EPHA2: variants seen among roughly 807,000 people sequenced by gnomAD.
EPHA2 encodes ephrin type-A receptor 2.
A neutral mutation model predicts 104.9 loss-of-function variants in EPHA2; 54 were observed. The ratio of observed to expected loss-of-function variants is 0.51; its 90% CI spans 0.41 to 0.65. EPHA2 has a LOEUF of 0.65. Among genes scored for constraint, EPHA2 ranks in the 30% least tolerant of loss-of-function variants. The pLI is 0.00. For synonymous variants in EPHA2, 560 were observed against 559.1 expected, an observed-to-expected ratio of 1.00 and a Z score of -0.02; for missense variants, 1,117 against 1,369.5, an observed-to-expected ratio of 0.82 and a Z score of 2.91.
Position 16,124,875 on chromosome 1 carries a change from T to C in EPHA2, c.*340A>G, listed in dbSNP as rs916562102. 1 of 305,584 alleles carries C rather than the reference T, an allele frequency of 3.3e-6. No homozygotes were observed. Among genetic ancestry groups the C allele is most frequent in the African/African-American group, 2.1e-5 (1 of 47,046 alleles). The allele number at this position is 305,584 out of a possible 1,614,324, so 18.9% of individuals were successfully genotyped here. On this transcript the variant is annotated 3_prime_UTR_variant, in exon 17 of 17. Transcript: ENST00000358432. ...AAGCCCTCCATCTCCTGAGATGGCC[T>C]CATGTGGGAGAAGGCGGAGGGAAGG...
rs938783223 is a variant in EPHA2, at chr1:16,134,876, C to G, written c.1582+160G>C. ...ACCCCTCAGCCTTCCATGCTTCCCC[C>G]TCCCCAGGCTTGGGGGCAGTCCCCG... On this transcript the variant is annotated intron_variant, in intron 7 of 16. Transcript: ENST00000358432. The surrounding 1 kb of genome is among the most constrained non-coding windows in gnomAD (Gnocchi z 4.5). Among the ~76,000 whole-genome samples, 1 of 152,234 alleles carries G rather than the reference C, an allele frequency of 6.6e-6. No homozygotes were observed. Among genetic ancestry groups the G allele is most frequent in the African/African-American group, 2.4e-5 (1 of 41,470 alleles).
chr1:16,130,131 T>A lies in EPHA2; in HGVS notation c.2669+95A>T. 2 of 1,540,258 alleles carry A rather than the reference T, an allele frequency of 1.3e-6. No homozygotes were observed. Among genetic ancestry groups the A allele is most frequent in the South Asian group, 1.1e-5 (1 of 88,050 alleles). On this transcript the variant is annotated intron_variant, in intron 15 of 16. Transcript: ENST00000358432. The surrounding 1 kb of genome is among the most constrained non-coding windows in gnomAD (Gnocchi z 4.5). ...ACCTCTTAGCCCCCAGCACCCCCCC[T>A]ACCAGCTTCACCTGGGTGGCCACTC... is the stretch of plus-strand genomic sequence containing the variant.
chr1:16,124,960 G>C lies in EPHA2; in HGVS notation c.*255C>G. On this transcript the variant is annotated 3_prime_UTR_variant, in exon 17 of 17. Coordinates refer to ENST00000358432, the MANE Select transcript of EPHA2 (RefSeq NM_004431.5). ...GCTGTGGCGGGGCTCCTGCTCCAGG[G>C]ATGCTGGGACGTGGCGGTGCCTGCT... 1.9e-6 allele frequency: 1 copy of C among 523,594 alleles called. No homozygotes were observed. Among genetic ancestry groups the C allele is most frequent in the Non-Finnish European group, 3.5e-6 (1 of 287,794 alleles). 32.4% of individuals were successfully genotyped at this position (523,594 alleles called of 1,614,324 possible).
chr1:16,148,398 T>A lies in EPHA2; in HGVS notation c.803A>T (p.Lys268Met). Residue 268 changes from lysine (K) to methionine (M), a missense_variant, in exon 3 of 17, where the codon AAG (lysine) becomes ATG (methionine). Coordinates refer to ENST00000358432, the MANE Select transcript of EPHA2 (RefSeq NM_004431.5). The surrounding 1 kb of genome is among the most constrained non-coding windows in gnomAD (Gnocchi z 4.9). ...GQCLCQAGYE[K>M]VEDACQACSP... is the part of the protein sequence containing the mutation. Reference sequence around the variant, plus strand: ...CTCACCCTGGCAGGCATCCTCCACCTTCTCGTAGCCTGCCTGGCACAGGCA... The same window carrying A: ...CTCACCCTGGCAGGCATCCTCCACCATCTCGTAGCCTGCCTGGCACAGGCA... The A allele has an allele frequency of 6.2e-7, 1 of 1,613,776 alleles. No homozygotes were observed. Among genetic ancestry groups the A allele is most frequent in the Non-Finnish European group, 8.5e-7 (1 of 1,180,040 alleles).
Position 16,138,090 on chromosome 1 carries a change from C to T in EPHA2, c.1075G>A (p.Asp359Asn), listed in dbSNP as rs368150751. ...TPPQDSGGRE[D>N]IVYSVTCEQC... is the part of the protein sequence containing the mutation. ...TCGCAGGTGACGCTGTAGACAATGT[C>T]CTCGCGGCCCCCGCTGTCCTGAGGG... The change falls in exon 5 of 17, where the codon GAC becomes AAC. Residue 359 changes from aspartate to asparagine, a missense_variant. By Grantham distance (23) the Asp-to-Asn change is conservative (BLOSUM62 1). This residue lies in a region of EPHA2 where 664 missense variants were observed against 784.8 expected (regional missense o/e 0.85). Transcript: ENST00000358432. 1.9e-6 allele frequency: 3 copies of T among 1,610,872 alleles called. No homozygotes were observed. The highest frequency in any genetic ancestry group is 2.7e-5 in the African/African-American group (2 of 74,956).
chr1:16,153,124 TG>T (rs1254041503), intron 1 of EPHA2: 26 of 870,158 alleles, frequency 3.0e-5, no homozygotes, highest in East Asian at 2.2e-4. Flanking sequence ...TTCCCATTTC[TG>T]GGGGGAAAAA....
In EPHA2 at chr1:16,148,212, C is replaced by A. The variant is rs1463026305; in HGVS notation, c.823+166G>T. On this transcript the variant is annotated intron_variant, in intron 3 of 16. Transcript: ENST00000358432. The surrounding 1 kb of genome is among the most constrained non-coding windows in gnomAD (Gnocchi z 4.9). ...ATTCTTAATGAATGAGTTAGTCCAG[C>A]CTTAATAAGGAAACTGATGTCTGGG... Among the ~76,000 whole-genome samples, 1 of 152,184 alleles carries A rather than the reference C, an allele frequency of 6.6e-6. No homozygotes were observed. Among genetic ancestry groups the A allele is most frequent in the African/African-American group, 2.4e-5 (1 of 41,426 alleles).
At chr1:16,137,440 T>C (rs2024734373) in intron 5 of EPHA2, among the ~76,000 whole-genome samples, 1 of 151,598 alleles carries the variant, frequency 6.6e-6, no homozygotes, top group African/African-American at 2.4e-5. Context: ...CTCCTAAAAA[T>C]ACAAAAAATT....
In EPHA2 at chr1:16,134,011, C is replaced by G; in HGVS notation, c.1683-96G>C. On this transcript the variant is annotated intron_variant, in intron 8 of 16. Coordinates refer to ENST00000358432, the MANE Select transcript of EPHA2 (RefSeq NM_004431.5). The surrounding 1 kb of genome is among the most constrained non-coding windows in gnomAD (Gnocchi z 4.5). ...GGCCCTACTTTGGTCCTAGGAGGACCTGGGGTGCTCAGAATGCGGCCCAGT... is the reference window on the plus strand; with the variant it reads ...GGCCCTACTTTGGTCCTAGGAGGACGTGGGGTGCTCAGAATGCGGCCCAGT... 1 of 1,289,678 alleles carries G rather than the reference C, an allele frequency of 7.8e-7. No homozygotes were observed. The highest frequency in any genetic ancestry group is 1.1e-6 in the Non-Finnish European group (1 of 940,246). The allele number at this position is 1,289,678 out of a possible 1,614,324, so 79.9% of individuals were successfully genotyped here. A position where few individuals can be genotyped will look rare whatever the true frequency, so the allele number is the denominator to read the frequency against.
rs1481030168 is a variant in EPHA2 at position 16,130,848 on chromosome 1, TCGAA to T, written c.2476-433_2476-430del. Among the ~76,000 whole-genome samples, 2 of 152,132 alleles carry T rather than the reference TCGAA, an allele frequency of 1.3e-5. No individual in the cohort carries two copies. Among genetic ancestry groups the T allele is most frequent in the Non-Finnish European group, 2.9e-5 (2 of 68,024 alleles). ...TTTCGTCATGTTGTCCAGGCTGGTC[TCGAA>T]CTCCTGAGCTCAAGCGATACTCCTG... On this transcript the variant is annotated intron_variant, in intron 14 of 16. Transcript: ENST00000358432. The surrounding 1 kb of genome is among the most constrained non-coding windows in gnomAD (Gnocchi z 4.5).
At chr1:16,152,843 C>A (rs2025068740) in intron 1 of EPHA2, among the ~76,000 whole-genome samples, 1 of 152,224 alleles carries the variant, frequency 6.6e-6, no homozygotes, top group African/African-American at 2.4e-5. Context: ...GAAGCCCTCA[C>A]ACAGGAAGGA....
chr1:16,155,029 CT>C (rs1425120603), intron 1 of EPHA2, among the ~76,000 whole-genome samples: 1 of 152,132 alleles, frequency 6.6e-6, no homozygotes, highest in Non-Finnish European at 1.5e-5. Context: ...CGGCCCCTCA[CT>C]CGGCGCGGCT....
intron 3 of EPHA2, among the ~76,000 whole-genome samples, chr1:16,142,343 T>G (rs1313929665): frequency 6.6e-6 from 1 of 152,222 alleles, no homozygotes; most frequent in Non-Finnish European, 1.5e-5. Flanking sequence ...AAACTTGGCT[T>G]TTATGCTCCA....
At position 16,150,786 on chromosome 1, in the gene EPHA2, C is replaced by A; in HGVS notation, c.153+110G>T. The A allele has an allele frequency of 8.2e-7, 1 of 1,226,210 alleles. No individual in the cohort carries two copies. The highest frequency in any genetic ancestry group is 1.7e-5 in the Admixed American group (1 of 57,722). The allele number at this position is 1,226,210 out of a possible 1,614,324, so 76.0% of individuals were successfully genotyped here. On this transcript the variant is annotated intron_variant, in intron 2 of 16. Transcript: ENST00000358432. This position sits in a 1 kb window ranked among gnomAD's most constrained non-coding sequence, Gnocchi z 4.8. Reference sequence around the variant, plus strand: ...ACCCTGAGCCTGAGACCTGGCTGAGCTGCTGAATTGAAGCCAGGCCCCACG... The same window carrying A: ...ACCCTGAGCCTGAGACCTGGCTGAGATGCTGAATTGAAGCCAGGCCCCACG...
In EPHA2 at chr1:16,130,749, C is replaced by T. The variant is rs112041630; in HGVS notation, c.2476-330G>A. 1.1e-3 allele frequency among the ~76,000 whole-genome samples: 170 copies of T among 152,270 alleles called. No homozygotes were observed. The highest frequency in any genetic ancestry group is 3.6e-3 in the African/African-American group (151 of 41,560). On this transcript the variant is annotated intron_variant, in intron 14 of 16. Coordinates refer to ENST00000358432, the MANE Select transcript of EPHA2 (RefSeq NM_004431.5). This position sits in a 1 kb window ranked among gnomAD's most constrained non-coding sequence, Gnocchi z 4.5. Reference sequence around the variant, plus strand: ...TGCTCAGGTGATCCTCCCACCTCCGCCTCCTGAGTAGCTGAGACTACAGGC... The same window carrying T: ...TGCTCAGGTGATCCTCCCACCTCCGTCTCCTGAGTAGCTGAGACTACAGGC...
chr1:16,137,707 G>A, intron 5 of EPHA2, 146 bp downstream of exon 5: 1 of 927,710 alleles, frequency 1.1e-6, no homozygotes, highest in East Asian at 2.6e-5. Flanking sequence ...TGGCCCACGG[G>A]TTGGACAAGC....
chr1:16,133,702 C>T (rs1489293441), intron 9 of EPHA2, 96 bp from the exon 10 acceptor site: 2 of 1,578,948 alleles, frequency 1.3e-6, no homozygotes, highest in Non-Finnish European at 1.7e-6. Context: ...TCTTCAGAGA[C>T]TTGGACCAGG....
Position 16,134,842 on chromosome 1 carries a change from G to A in EPHA2, c.1582+194C>T, listed in dbSNP as rs543302046. ...CACCACTGTCGTGAATCCACATCCCGGCTCCTCCACCCCTCAGCCTTCCAT... is the reference window on the plus strand; with the variant it reads ...CACCACTGTCGTGAATCCACATCCCAGCTCCTCCACCCCTCAGCCTTCCAT... On this transcript the variant is annotated intron_variant, in intron 7 of 16. Coordinates refer to ENST00000358432, the MANE Select transcript of EPHA2 (RefSeq NM_004431.5). The surrounding 1 kb of genome is among the most constrained non-coding windows in gnomAD (Gnocchi z 4.5). Among the ~76,000 whole-genome samples the A allele has an allele frequency of 3.3e-5, 5 of 152,264 alleles. No homozygotes were observed. The East Asian group carries it at 5.8e-4, about 18-fold the overall frequency.
chr1:16,138,205 C>T lies in EPHA2; in HGVS notation c.980-20G>A. The T allele has an allele frequency of 6.2e-7, 1 of 1,611,216 alleles. No homozygotes were observed. The highest frequency in any genetic ancestry group is 8.5e-7 in the Non-Finnish European group (1 of 1,179,768). ...GGGGTCCTGCACAGACAGGAGGAGT[C>T]AGTGCTGTGCTGGACCCAGGCGGAC... On this transcript the variant is annotated intron_variant, in intron 4 of 16. Coordinates refer to ENST00000358432, the MANE Select transcript of EPHA2 (RefSeq NM_004431.5).
Sources: gnomAD v4.1 joint callset for allele counts (sites outside exome capture counted in the v4.1 genomes callset) on GRCh38, gnomAD v4.1.1 for gene constraint, gnomAD v4.1.1 regional missense constraint, Gnocchi (gnomAD v3.1) non-coding constraint, MANE v1.5 for transcripts, NCBI Gene and HGNC (gene_info 2026-07-23, HGNC 2026-07-21) for gene names.